Variants in TMC1 observed in about 807,000 individuals in gnomAD.
TMC1 encodes the protein transmembrane channel-like protein 1.
Under a neutral mutation model 105.8 loss-of-function variants are expected in TMC1, and 84 were observed. The observed-to-expected ratio is 0.79, with a 90% CI of 0.67 to 0.95. The LOEUF (loss-of-function observed/expected upper bound fraction) is 0.95, where lower values mean the gene tolerates loss of function less well. Ranked by LOEUF, TMC1 falls within the 40% of genes least tolerant of loss-of-function variation. TMC1 has a pLI of 0.00. For synonymous variants in TMC1, 315 were observed against 311.5 expected, an observed-to-expected ratio of 1.01 and a Z score of -0.12; for missense variants, 817 against 914.1, an observed-to-expected ratio of 0.89 and a Z score of 1.37.
rs1455078930 is a variant in TMC1, at chr9:72,628,055, G to A, written c.-61G>A. 4.4e-6 allele frequency: 2 copies of A among 455,716 alleles called. No homozygotes were observed. Among genetic ancestry groups the A allele is most frequent in the African/African-American group, 4.0e-5 (2 of 50,042 alleles). 28.2% of individuals were successfully genotyped at this position (455,716 alleles called of 1,614,324 possible). A position where few individuals can be genotyped will look rare whatever the true frequency, so the allele number is the denominator to read the frequency against. The stretch of plus-strand genomic sequence containing the variant: ...TCTGGTGAATGCTTAAGGAGCTGCA[G>A]AAGGGAAGGTAGTGAGGAGACAGTT... On this transcript the variant is annotated 5_prime_UTR_variant, in exon 4 of 24. Coordinates refer to ENST00000297784, the MANE Select transcript of TMC1 (RefSeq NM_138691.3).
At chr9:72,760,167 G>A (rs920154681) in intron 12 of TMC1, among the ~76,000 whole-genome samples, 3 of 151,728 alleles carry the variant, frequency 2.0e-5, no homozygotes, top group Non-Finnish European at 2.9e-5. Flanking sequence ...GCTTTGGTTG[G>A]TTAGCAAAGT....
intron 8 of TMC1, among the ~76,000 whole-genome samples, chr9:72,738,068 G>C (rs1258051318): frequency 6.6e-6 from 1 of 152,128 alleles, no homozygotes; most frequent in East Asian, 1.9e-4. Flanking sequence ...CCCAAACTAT[G>C]TCAATCAGCT....
chr9:72,720,857 G>A (rs544882106), intron 8 of TMC1, among the ~76,000 whole-genome samples: 1 of 152,070 alleles, frequency 6.6e-6, no homozygotes, highest in East Asian at 1.9e-4. Context: ...TCTTTCTTTG[G>A]CAGATATTAC....
chr9:72,816,123 G>A lies in TMC1; in HGVS notation c.1696-20G>A, dbSNP rs1828783233. 2.5e-6 allele frequency: 4 copies of A among 1,611,644 alleles called. No individual in the cohort carries two copies. Among genetic ancestry groups the A allele is most frequent in the South Asian group, 1.1e-5 (1 of 91,010 alleles). On this transcript the variant is annotated intron_variant, in intron 18 of 23. Transcript: ENST00000297784. ...TGACCATGTGAGACGCTAATCCAAT[G>A]AACATTGTGTCTCCTCTAGCCTTCA... is the stretch of plus-strand genomic sequence containing the variant.
chr9:72,577,039 G>A (rs1463273408), intron 1 of TMC1, among the ~76,000 whole-genome samples: 5 of 151,922 alleles, frequency 3.3e-5, no homozygotes, highest in African/African-American at 4.8e-5. Flanking sequence ...AATTATTCTC[G>A]GAAATGTTTG....
At chr9:72,614,679 TA>T (rs1300494142) in intron 2 of TMC1, among the ~76,000 whole-genome samples, 3 of 152,198 alleles carry the variant, frequency 2.0e-5, no homozygotes, top group Non-Finnish European at 4.4e-5. Flanking sequence ...TATTACAGGA[TA>T]ACTTTTTCTT....
intron 18 of TMC1, among the ~76,000 whole-genome samples, chr9:72,806,515 C>A (rs891235863): frequency 6.7e-6 from 1 of 149,010 alleles, no homozygotes; most frequent in Non-Finnish European, 1.5e-5. Context: ...GGGGCGGCTG[C>A]CGGGCGGAGG....
chr9:72,698,646 C>T (rs1826590992), intron 7 of TMC1, among the ~76,000 whole-genome samples: 6 of 152,120 alleles, frequency 3.9e-5, no homozygotes, highest in South Asian at 4.1e-4. Flanking sequence ...ACTAAAGTAT[C>T]ATAGTGACGG....
At chr9:72,551,979 GC>G (rs1823866505) in intron 1 of TMC1, among the ~76,000 whole-genome samples, 1 of 152,114 alleles carries the variant, frequency 6.6e-6, no homozygotes, top group Admixed American at 6.6e-5. Flanking sequence ...AGAGAGTATG[GC>G]CCTGCTGACA....
chr9:72,686,886 T>C (rs1826388520), intron 5 of TMC1, among the ~76,000 whole-genome samples: 1 of 152,162 alleles, frequency 6.6e-6, no homozygotes, highest in Non-Finnish European at 1.5e-5. Context: ...ATATCTTCCC[T>C]TATGGACTTT....
At chr9:72,769,086 G>A (rs1827884372) in intron 12 of TMC1, among the ~76,000 whole-genome samples, 1 of 152,184 alleles carries the variant, frequency 6.6e-6, no homozygotes, top group South Asian at 2.1e-4. Context: ...AAGCAGTATA[G>A]TGCAGTGGTT....
chr9:72,636,860 G>C (rs1825542625), intron 4 of TMC1, among the ~76,000 whole-genome samples: 1 of 152,126 alleles, frequency 6.6e-6, no homozygotes, highest in African/African-American at 2.4e-5. Context: ...GAACTTAGAG[G>C]CTGATGCTAT....
chr9:72,563,624 C>A (rs370962038), intron 1 of TMC1, among the ~76,000 whole-genome samples: 2 of 152,020 alleles, frequency 1.3e-5, no homozygotes, highest in African/African-American at 4.8e-5. Context: ...ATTGACTGGG[C>A]GCAGTGGCTC....
At chr9:72,802,747 T>A (rs1828497848) in intron 17 of TMC1, among the ~76,000 whole-genome samples, 1 of 152,078 alleles carries the variant, frequency 6.6e-6, no homozygotes, top group South Asian at 2.1e-4. Context: ...CAAACATATG[T>A]GAAAACATTC....
intron 12 of TMC1, among the ~76,000 whole-genome samples, chr9:72,764,056 G>A (rs1042551501): frequency 1.3e-5 from 2 of 152,102 alleles, no homozygotes; most frequent in African/African-American, 4.8e-5. Flanking sequence ...ACTTCACAAT[G>A]CATTAAATTA....
intron 6 of TMC1, among the ~76,000 whole-genome samples, chr9:72,690,604 C>T (rs1242673824): frequency 6.6e-6 from 1 of 152,092 alleles, no homozygotes; most frequent in Non-Finnish European, 1.5e-5. Context: ...GCATAGCTTT[C>T]TTGGTTGGCA....
intron 2 of TMC1, among the ~76,000 whole-genome samples, chr9:72,595,979 C>A (rs770005655): frequency 5.3e-5 from 8 of 151,296 alleles, no homozygotes; most frequent in African/African-American, 1.9e-4. Context: ...TGGGTTCAAG[C>A]GATTCTTCCG....
intron 8 of TMC1, among the ~76,000 whole-genome samples, chr9:72,739,537 T>C (rs1827354218): frequency 6.6e-6 from 1 of 152,236 alleles, no homozygotes; most frequent in African/African-American, 2.4e-5. Context: ...AAAGTTTACA[T>C]TTAAAGCCCT....
chr9:72,652,614 C>A (rs767947138), intron 5 of TMC1, among the ~76,000 whole-genome samples: 1 of 152,072 alleles, frequency 6.6e-6, no homozygotes, highest in Non-Finnish European at 1.5e-5. Context: ...CGGACCAACC[C>A]GGGGAACGTC....
Sources: allele counts gnomAD v4.1 joint callset (sites outside exome capture counted in the v4.1 genomes callset), GRCh38; gene constraint gnomAD v4.1.1; transcripts MANE v1.5; gene names NCBI Gene and HGNC (gene_info 2026-07-23, HGNC 2026-07-21).